Variants in ABHD12 observed in about 807,000 individuals in gnomAD.
The protein encoded by ABHD12 is abhydrolase domain containing 12, lysophospholipase.
A neutral mutation model predicts 58.3 loss-of-function variants in ABHD12; 43 were observed. That is an observed-to-expected ratio of 0.74 (90% CI 0.58 to 0.95). The LOEUF (loss-of-function observed/expected upper bound fraction) is 0.95. ABHD12 is among the 40% of genes least tolerant of loss of function. The probability of loss-of-function intolerance (pLI) is 0.00; values close to 1 mark genes in which losing one functional copy is unlikely to be tolerated. For missense variants in ABHD12, 539 were observed against 537.2 expected, an observed-to-expected ratio of 1.00 and a Z score of -0.03; for synonymous variants, 219 against 211.2, an observed-to-expected ratio of 1.04 and a Z score of -0.32.
At chr20:25,320,431 G>C in intron 3 of ABHD12, 113 bp from the exon 4 acceptor site, 5 of 1,436,822 alleles carry the variant, frequency 3.5e-6, no homozygotes, top group Non-Finnish European at 3.9e-6. Flanking sequence ...GGGAGCTGCA[G>C]ACCCCATCTA....
At chr20:25,317,665 C>T (rs143120557) in intron 4 of ABHD12, among the ~76,000 whole-genome samples, 381 of 152,352 alleles carry the variant, frequency 2.5e-3, no homozygotes, top group African/African-American at 8.2e-3. Flanking sequence ...CAGGGAGGCC[C>T]TGAAGTGCCG....
chr20:25,323,441 TAA>T lies in ABHD12; in HGVS notation c.317-13_317-12del, dbSNP rs755126156. The T allele has an allele frequency of 2.0e-6, 3 of 1,530,786 alleles. No individual in the cohort carries two copies. The highest frequency in any genetic ancestry group is 2.7e-5 in the African/African-American group (2 of 73,258). The allele number at this position is 1,530,786 out of a possible 1,614,324, so 94.8% of individuals were successfully genotyped here. On this transcript the variant is annotated splice_polypyrimidine_tract_variant and intron_variant, in intron 2 of 12. Transcript: ENST00000339157. ...AATAGGGAACTCTTACTGTAGGAAA[TAA>T]AGAGATGGAAATTAGGATTACTGGT... is the stretch of plus-strand genomic sequence containing the variant.
At chr20:25,318,202 C>G (rs1003742431) in intron 4 of ABHD12, among the ~76,000 whole-genome samples, 1 of 152,154 alleles carries the variant, frequency 6.6e-6, no homozygotes, top group Non-Finnish European at 1.5e-5. Context: ...GTAATCCCAG[C>G]TACTCGGGAG....
At chr20:25,300,964 A>C (rs1032016388) in intron 12 of ABHD12, 80 bp from the exon 13 acceptor site, 4 of 1,440,302 alleles carry the variant, frequency 2.8e-6, no homozygotes, top group African/African-American at 2.8e-5. Context: ...ACTGCTATCT[A>C]AGGAAGCAGA....
chr20:25,340,837 G>C (rs1278045442), intron 1 of ABHD12, among the ~76,000 whole-genome samples: 2 of 152,238 alleles, frequency 1.3e-5, no homozygotes, highest in African/African-American at 4.8e-5. Context: ...GAGGCTGGGG[G>C]TGGAGCAGGA....
At chr20:25,363,856 ACT>A (rs1172006145) in intron 1 of ABHD12, among the ~76,000 whole-genome samples, 1 of 152,046 alleles carries the variant, frequency 6.6e-6, no homozygotes, top group Non-Finnish European at 1.5e-5. Flanking sequence ...TAAGGGAGAA[ACT>A]CTGTCTCAAA....
intron 1 of ABHD12, among the ~76,000 whole-genome samples, chr20:25,357,401 G>A (rs528202449): frequency 1.4e-4 from 22 of 152,294 alleles, no homozygotes; most frequent in African/African-American, 4.8e-4. Flanking sequence ...AATAAGTAGC[G>A]TAGCTCTTGT....
chr20:25,328,227 G>A (rs1286846850), intron 2 of ABHD12, among the ~76,000 whole-genome samples: 1 of 152,164 alleles, frequency 6.6e-6, no homozygotes, highest in East Asian at 1.9e-4. Context: ...TCTGGAGTGG[G>A]AAAGTGAGTC....
At chr20:25,327,203 G>T (rs148402569) in intron 2 of ABHD12, among the ~76,000 whole-genome samples, 2 of 152,190 alleles carry the variant, frequency 1.3e-5, no homozygotes, top group Non-Finnish European at 1.5e-5. Flanking sequence ...GCGCGGTGGC[G>T]CATGCCTATA....
In ABHD12 at chr20:25,390,642, G is replaced by C; in HGVS notation, c.62C>G (p.Ser21Cys). ...CGCCGCGGCGGCCGAGCCGGAGGAG[G>C]ACGAGCCCGCGGCGGCGCAGCGCTC... ...EHERCAAAGSSSSGSAAAALD... is the reference protein window; with the variant it reads ...EHERCAAAGSCSSGSAAAALD... Residue 21 changes from serine (S) to cysteine (C), a missense_variant, in exon 1 of 13, where the codon TCC becomes TGC. Coordinates refer to ENST00000339157, the MANE Select transcript of ABHD12 (RefSeq NM_001042472.3). The C allele has an allele frequency of 6.9e-7, 1 of 1,449,086 alleles. No homozygotes were observed. The allele number at this position is 1,449,086 out of a possible 1,614,324, so 89.8% of individuals were successfully genotyped here. A position where few individuals can be genotyped will look rare whatever the true frequency, so the allele number is the denominator to read the frequency against.
At chr20:25,335,746 G>A (rs2089353804) in intron 2 of ABHD12, among the ~76,000 whole-genome samples, 1 of 147,946 alleles carries the variant, frequency 6.8e-6, no homozygotes, top group Non-Finnish European at 1.5e-5. Context: ...TCATAGGTGG[G>A]AATCGAACAA....
chr20:25,351,641 G>A (rs1344380500), intron 1 of ABHD12, among the ~76,000 whole-genome samples: 1 of 152,206 alleles, frequency 6.6e-6, no homozygotes, highest in African/African-American at 2.4e-5. Flanking sequence ...AAACTGGACA[G>A]CACGGTGGTT....
At chr20:25,350,058 A>C (rs2089577927) in intron 1 of ABHD12, among the ~76,000 whole-genome samples, 1 of 152,234 alleles carries the variant, frequency 6.6e-6, no homozygotes, top group Non-Finnish European at 1.5e-5. Context: ...GTAAAATTCA[A>C]CATGTAGTCC....
chr20:25,321,541 C>T (rs1020895539), intron 3 of ABHD12, among the ~76,000 whole-genome samples: 1 of 152,248 alleles, frequency 6.6e-6, no homozygotes, highest in African/African-American at 2.4e-5. Context: ...CTCACCAACA[C>T]GCACCCACCA....
intron 1 of ABHD12, among the ~76,000 whole-genome samples, chr20:25,353,418 A>G (rs1402189249): frequency 2.0e-5 from 3 of 152,252 alleles, no homozygotes; most frequent in Non-Finnish European, 4.4e-5. Context: ...ATATTTAAGC[A>G]GAATATGCAG....
At chr20:25,318,562 G>A (rs1043898877) in intron 4 of ABHD12, among the ~76,000 whole-genome samples, 3 of 152,152 alleles carry the variant, frequency 2.0e-5, no homozygotes, top group African/African-American at 7.2e-5. Context: ...CAACGTGGGG[G>A]TGGCGAGGAC....
chr20:25,388,787 C>CTTT (rs780031801), intron 1 of ABHD12, among the ~76,000 whole-genome samples: 45,588 of 121,010 alleles, frequency 0.38, 10,479 homozygotes, highest in Non-Finnish European at 0.48. Context: ...TTGATTTTTT[C>CTTT]TTTTTTTTTT....
intron 1 of ABHD12, among the ~76,000 whole-genome samples, chr20:25,340,160 GTTTATA>G (rs1358754200): frequency 6.6e-6 from 1 of 152,106 alleles, no homozygotes; most frequent in Non-Finnish European, 1.5e-5. Context: ...GTCATAAACA[GTTTATA>G]TTTATGATGA....
At chr20:25,357,866 C>T (rs143996749) in intron 1 of ABHD12, among the ~76,000 whole-genome samples, 1 of 152,064 alleles carries the variant, frequency 6.6e-6, no homozygotes, top group Admixed American at 6.6e-5. Context: ...CAAAAATTAG[C>T]TGGGTGTCAT....
Sources: gnomAD v4.1 joint callset for allele counts (sites outside exome capture counted in the v4.1 genomes callset) on GRCh38, gnomAD v4.1.1 for gene constraint, MANE v1.5 for transcripts, NCBI Gene and HGNC (gene_info 2026-07-23, HGNC 2026-07-21) for gene names.